Variants in HS6ST3 observed in about 807,000 individuals in gnomAD.
The protein encoded by HS6ST3 is heparan-sulfate 6-O-sulfotransferase 3.
A neutral mutation model predicts 36.7 loss-of-function variants in HS6ST3; 12 were observed. That is an observed-to-expected ratio of 0.33 (90% confidence interval 0.21 to 0.53). The LOEUF (loss-of-function observed/expected upper bound fraction) is 0.53, where lower values mean the gene tolerates loss of function less well. HS6ST3 is among the 20% of genes least tolerant of loss of function. HS6ST3 has a pLI of 0.95. For missense variants in HS6ST3, 584 were observed against 640.9 expected (o/e 0.91, Z 0.96); for synonymous variants, 240 against 257.5 (o/e 0.93, Z 0.65).
chr13:96,642,384 A>G (rs572277187), intron 1 of HS6ST3, among the ~76,000 whole-genome samples: 1 of 152,018 alleles, frequency 6.6e-6, no homozygotes, highest in African/African-American at 2.4e-5. Context: ...AATTTATCAT[A>G]CATGGAGATT....
intron 1 of HS6ST3, among the ~76,000 whole-genome samples, chr13:96,471,566 C>T (rs1204741332): frequency 1.3e-5 from 2 of 152,190 alleles, no homozygotes; most frequent in Non-Finnish European, 2.9e-5. Context: ...TTCCAGGATT[C>T]TCTCATTTTC....
intron 1 of HS6ST3, among the ~76,000 whole-genome samples, chr13:96,562,155 A>G (rs141694561): frequency 1.3e-5 from 2 of 152,358 alleles, no homozygotes; most frequent in East Asian, 3.9e-4. Flanking sequence ...GGATAGATAA[A>G]CAAAATGTGG....
chr13:96,831,365 T>C, intron 1 of HS6ST3, among the ~76,000 whole-genome samples: 1 of 152,202 alleles, frequency 6.6e-6, no homozygotes, highest in Admixed American at 6.5e-5. Context: ...ACCAATATGA[T>C]GTACAGGAAA....
chr13:96,483,283 C>T (rs773723043), intron 1 of HS6ST3, among the ~76,000 whole-genome samples: 2 of 152,086 alleles, frequency 1.3e-5, no homozygotes, highest in Non-Finnish European at 2.9e-5. Context: ...AAAGGTGGCG[C>T]TTACGAGGTG....
intron 1 of HS6ST3, among the ~76,000 whole-genome samples, chr13:96,094,700 G>A (rs2053781454): frequency 6.6e-6 from 1 of 152,116 alleles, no homozygotes; most frequent in Admixed American, 6.5e-5. Context: ...AACTTCAAGG[G>A]GCCATCATAT....
chr13:96,687,294 T>C (rs892203396), intron 1 of HS6ST3, among the ~76,000 whole-genome samples: 1 of 152,030 alleles, frequency 6.6e-6, no homozygotes, highest in African/African-American at 2.4e-5. Context: ...TTTTTTGTGG[T>C]GGAAACTTCT....
At chr13:96,491,780 T>C (rs1356920740) in intron 1 of HS6ST3, among the ~76,000 whole-genome samples, 3 of 152,194 alleles carry the variant, frequency 2.0e-5, no homozygotes, top group African/African-American at 7.2e-5. Flanking sequence ...GCCTAAGTCA[T>C]GCTGCCTGTA....
intron 1 of HS6ST3, among the ~76,000 whole-genome samples, chr13:96,481,257 G>A (rs777254662): frequency 6.6e-6 from 1 of 152,110 alleles, no homozygotes; most frequent in African/African-American, 2.4e-5. Flanking sequence ...TGAGAAAAAC[G>A]TGTGATAGAA....
intron 1 of HS6ST3, among the ~76,000 whole-genome samples, chr13:96,729,634 A>ATTTT (rs142375389): frequency 2.7e-5 from 4 of 146,328 alleles, no homozygotes; most frequent in Admixed American, 2.7e-4. Flanking sequence ...TATTTTTTGT[A>ATTTT]TTTTTTTTTT....
At chr13:96,184,068 G>A (rs2054253174) in intron 1 of HS6ST3, among the ~76,000 whole-genome samples, 1 of 151,820 alleles carries the variant, frequency 6.6e-6, no homozygotes, top group Non-Finnish European at 1.5e-5. Context: ...GGACGTGGTG[G>A]TGCATGCCTG....
chr13:96,330,470 G>A (rs2055059820), intron 1 of HS6ST3, among the ~76,000 whole-genome samples: 1 of 148,654 alleles, frequency 6.7e-6, no homozygotes, highest in African/African-American at 2.5e-5. Context: ...ATGAAATTCT[G>A]GGTTGAAAAT....
chr13:96,806,980 A>G (rs560709735), intron 1 of HS6ST3, among the ~76,000 whole-genome samples: 1 of 152,302 alleles, frequency 6.6e-6, no homozygotes, highest in South Asian at 2.1e-4. Flanking sequence ...TGGATCAGAA[A>G]TATTCTGGGT....
chr13:96,136,382 A>T (rs2054001727), intron 1 of HS6ST3, among the ~76,000 whole-genome samples: 1 of 152,058 alleles, frequency 6.6e-6, no homozygotes. Flanking sequence ...GGGAGCTTTT[A>T]CGCGTGGTGC....
At chr13:96,718,263 C>A (rs1378144490) in intron 1 of HS6ST3, among the ~76,000 whole-genome samples, 1 of 152,156 alleles carries the variant, frequency 6.6e-6, no homozygotes, top group Non-Finnish European at 1.5e-5. Flanking sequence ...AGTTTCTCAC[C>A]ACATATTTCT....
At chr13:96,314,360 T>G (rs998338377) in intron 1 of HS6ST3, among the ~76,000 whole-genome samples, 10 of 152,320 alleles carry the variant, frequency 6.6e-5, no homozygotes, top group African/African-American at 2.4e-4. Flanking sequence ...TACGCTTTAC[T>G]AAGATATTGG....
chr13:96,487,418 G>A (rs1353250686), intron 1 of HS6ST3, among the ~76,000 whole-genome samples: 1 of 152,042 alleles, frequency 6.6e-6, no homozygotes, highest in Non-Finnish European at 1.5e-5. Context: ...ATAGGTAATG[G>A]CTTAAAAAAG....
intron 1 of HS6ST3, among the ~76,000 whole-genome samples, chr13:96,517,678 A>G (rs1594798323): frequency 1.3e-5 from 2 of 152,160 alleles, no homozygotes; most frequent in African/African-American, 4.8e-5. Context: ...GTGGCTTGTT[A>G]TACAGATTAG....
chr13:96,476,353 T>G (rs1402207271), intron 1 of HS6ST3, among the ~76,000 whole-genome samples: 3 of 151,928 alleles, frequency 2.0e-5, no homozygotes, highest in Non-Finnish European at 2.9e-5. Context: ...TTGAGACAGT[T>G]TTCTTTTTCT....
At chr13:96,091,598 T>TGCCCCC in intron 1 of HS6ST3, 29 bp downstream of exon 1, 1 of 1,488,740 alleles carries the variant, frequency 6.7e-7, no homozygotes, top group Non-Finnish European at 9.0e-7. Context: ...TCTCTGTTCT[T>TGCCCCC]CCCCCCCACC....
Sources: gnomAD v4.1 joint callset for allele counts (sites outside exome capture counted in the v4.1 genomes callset) on GRCh38, gnomAD v4.1.1 for gene constraint, MANE v1.5 for transcripts, NCBI Gene and HGNC (gene_info 2026-07-23, HGNC 2026-07-21) for gene names.